Variants in NFATC2 observed in about 807,000 individuals in gnomAD.
NFATC2 encodes the protein nuclear factor of activated T cells 2, also known as nuclear factor of activated T-cells, cytoplasmic 2.
NFATC2 carries 22 observed loss-of-function variants against 87.3 expected under a neutral mutation model. The ratio of observed to expected loss-of-function variants is 0.25; its 90% CI spans 0.18 to 0.36. NFATC2 has a LOEUF of 0.36. Ranked by LOEUF, NFATC2 falls within the 10% of genes least tolerant of loss-of-function variation. NFATC2 has a pLI of 1.00. For synonymous variants in NFATC2, 565 were observed against 542.2 expected (o/e 1.04, Z -0.58); for missense variants, 1,149 against 1,259.1 (o/e 0.91, Z 1.32).
rs368285988 is a variant in NFATC2, at chr20:51,432,383, C to A, written c.2406G>T (p.Pro802=). The part of the protein sequence containing the change: ...GQSSALLHPS[P]TNQQASPVIH... ...TCACAGGCGAGGCCTGCTGGTTGGT[C>A]GGAGAGGGGTGGAGCAGGGCTGAGC... The change falls in exon 9 of 11, where the codon CCG becomes CCT. Residue 802 remains proline (P), a synonymous_variant. Transcript: ENST00000371564. The surrounding 1 kb of genome is among the most constrained non-coding windows in gnomAD (Gnocchi z 4.6). The A allele has an allele frequency of 4.2e-4, 679 of 1,610,104 alleles. No individual in the cohort carries two copies. Among genetic ancestry groups the A allele is most frequent in the Non-Finnish European group, 3.2e-4 (374 of 1,177,984 alleles).
chr20:51,487,543 T>TA (rs1989817443), intron 3 of NFATC2, among the ~76,000 whole-genome samples: 1 of 152,092 alleles, frequency 6.6e-6, no homozygotes, highest in Admixed American at 6.5e-5. Context: ...AGTTCAGCTT[T>TA]GAAAAAATGT....
intron 8 of NFATC2, among the ~76,000 whole-genome samples, chr20:51,434,471 C>T (rs562323700): frequency 2.6e-4 from 40 of 152,316 alleles, no homozygotes; most frequent in African/African-American, 8.9e-4. Context: ...TAAAATTATG[C>T]TTCCCCTGGC....
rs532834442 is a variant in NFATC2 at position 51,465,336 on chromosome 20, C to T, written c.1708+8644G>A. 3.9e-5 allele frequency among the ~76,000 whole-genome samples: 6 copies of T among 152,282 alleles called. No homozygotes were observed. In the South Asian group the frequency reaches 1.2e-3, roughly 32 times the overall value. ...CAGAGGCTGCAGTGAGCCAAGATTG[C>T]ACCACTGCACTCCAGCCTGGGTGAC... is the stretch of plus-strand genomic sequence containing the variant. On this transcript the variant is annotated intron_variant, in intron 5 of 10. Transcript: ENST00000371564.
intron 9 of NFATC2, among the ~76,000 whole-genome samples, chr20:51,402,359 T>C (rs1317962424): frequency 1.3e-5 from 2 of 152,100 alleles, no homozygotes; most frequent in Non-Finnish European, 2.9e-5. Context: ...GAAAGCATTC[T>C]AAACAAACCA....
chr20:51,396,095 A>ATAT (rs1987093276), intron 10 of NFATC2, among the ~76,000 whole-genome samples: 3 of 115,562 alleles, frequency 2.6e-5, no homozygotes, highest in Middle Eastern at 4.3e-3. Flanking sequence ...TATATATATA[A>ATAT]GCTAATGGCA....
chr20:51,466,352 C>G (rs1367789497), intron 5 of NFATC2, among the ~76,000 whole-genome samples: 1 of 152,170 alleles, frequency 6.6e-6, no homozygotes, highest in Non-Finnish European at 1.5e-5. Context: ...CACACCTGGC[C>G]CGGGCCTCCC....
chr20:51,395,567 A>G (rs543715032), intron 10 of NFATC2, among the ~76,000 whole-genome samples: 1 of 42,566 alleles, frequency 2.3e-5, no homozygotes, highest in African/African-American at 2.6e-4. Flanking sequence ...ATCCTTAGAC[A>G]GAGGTGCCCT....
chr20:51,529,832 G>A (rs1323667870), intron 1 of NFATC2, among the ~76,000 whole-genome samples: 1 of 152,072 alleles, frequency 6.6e-6, no homozygotes, highest in African/African-American at 2.4e-5. Flanking sequence ...ATAGAAGGTA[G>A]GGTAAAAATA....
intron 1 of NFATC2, among the ~76,000 whole-genome samples, chr20:51,538,332 A>G (rs1783014967): frequency 6.6e-6 from 1 of 152,172 alleles, no homozygotes; most frequent in South Asian, 2.1e-4. Flanking sequence ...ATTTTTCCAT[A>G]GATGCTAAAA....
intron 3 of NFATC2, among the ~76,000 whole-genome samples, chr20:51,501,477 A>T (rs1600884544): frequency 6.6e-6 from 1 of 152,336 alleles, no homozygotes; most frequent in East Asian, 1.9e-4. Context: ...CTCAAGGTGG[A>T]CACCAAGCAA....
intron 9 of NFATC2, among the ~76,000 whole-genome samples, chr20:51,421,073 TA>T (rs5841842): frequency 0.44 from 57,469 of 130,154 alleles, 14,166 homozygotes; most frequent in African/African-American, 0.73. Flanking sequence ...CCCTATGTCT[TA>T]AAAAAAAAAA....
intron 9 of NFATC2, among the ~76,000 whole-genome samples, chr20:51,405,581 A>T (rs780517716): frequency 1.3e-5 from 2 of 152,194 alleles, no homozygotes; most frequent in Non-Finnish European, 2.9e-5. Flanking sequence ...AGTAGCATGA[A>T]TCAGATCACA....
chr20:51,406,115 AAGT>A (rs1279964325), intron 9 of NFATC2, among the ~76,000 whole-genome samples: 1 of 152,208 alleles, frequency 6.6e-6, no homozygotes, highest in African/African-American at 2.4e-5. Flanking sequence ...TCATCCCATG[AAGT>A]AGGTATTGAC....
At chr20:51,451,546 G>C (rs890022717) in intron 6 of NFATC2, among the ~76,000 whole-genome samples, 3 of 152,200 alleles carry the variant, frequency 2.0e-5, no homozygotes, top group Non-Finnish European at 4.4e-5. Flanking sequence ...ATAATGCTGA[G>C]GCTAAAAATG....
At chr20:51,431,459 A>G (rs1242420611) in intron 9 of NFATC2, among the ~76,000 whole-genome samples, 2 of 151,988 alleles carry the variant, frequency 1.3e-5, no homozygotes, top group African/African-American at 2.4e-5. Context: ...CTTGGCCCAA[A>G]CCACCCATCA....
At chr20:51,541,267 G>A (rs987224410) in intron 1 of NFATC2, among the ~76,000 whole-genome samples, 2 of 152,236 alleles carry the variant, frequency 1.3e-5, no homozygotes, top group East Asian at 1.9e-4. Flanking sequence ...ACTAGATGGA[G>A]GCAAGCCCAG....
At chr20:51,504,525 A>C (rs1268500201) in intron 3 of NFATC2, among the ~76,000 whole-genome samples, 1 of 152,194 alleles carries the variant, frequency 6.6e-6, no homozygotes, top group Non-Finnish European at 1.5e-5. Flanking sequence ...AAAGATTTCC[A>C]TTTCTTCACC....
intron 3 of NFATC2, among the ~76,000 whole-genome samples, chr20:51,504,556 AACCAAACACC>A (rs1344192443): frequency 1.3e-5 from 2 of 152,266 alleles, no homozygotes; most frequent in African/African-American, 4.8e-5. Context: ...TTATTCATGC[AACCAAACACC>A]ACCTGTTCCT....
In NFATC2 at chr20:51,461,377, G is replaced by C. The variant is rs146363591; in HGVS notation, c.1709-6689C>G. On this transcript the variant is annotated intron_variant, in intron 5 of 10. Transcript: ENST00000371564. ...GCACCTTGCTTTTAAAGTCATCTTTGAGGGCCTGGCTCAGGCCTGCGGGTG... is the reference window on the plus strand; with the variant it reads ...GCACCTTGCTTTTAAAGTCATCTTTCAGGGCCTGGCTCAGGCCTGCGGGTG... Among the ~76,000 whole-genome samples, 697 of 152,306 alleles carry C rather than the reference G, an allele frequency of 4.6e-3. 5 individuals carry two copies. Among genetic ancestry groups the C allele is most frequent in the African/African-American group, 0.016 (659 of 41,556 alleles).
Sources: allele counts gnomAD v4.1 joint callset (sites outside exome capture counted in the v4.1 genomes callset), GRCh38; gene constraint gnomAD v4.1.1; non-coding constraint Gnocchi (gnomAD v3.1); transcripts MANE v1.5; gene names NCBI Gene and HGNC (gene_info 2026-07-23, HGNC 2026-07-21).